Variants in NCKAP5 observed in about 807,000 individuals in gnomAD.
NCKAP5 encodes the protein NCK associated protein 5.
NCKAP5 carries 92 observed loss-of-function variants against 167.0 expected under a neutral mutation model. That is an observed-to-expected ratio of 0.55 (90% CI 0.47 to 0.66). The LOEUF (loss-of-function observed/expected upper bound fraction) is 0.66. Ranked by LOEUF, NCKAP5 falls within the 30% of genes least tolerant of loss-of-function variation. NCKAP5 has a pLI of 0.00. For synonymous variants in NCKAP5, 891 were observed against 877.4 expected (o/e 1.02, Z -0.27); for missense variants, 2,378 against 2,315.0 (o/e 1.03, Z -0.56).
chr2:133,083,171 G>C (rs558251790), intron 6 of NCKAP5, among the ~76,000 whole-genome samples: 21 of 152,244 alleles, frequency 1.4e-4, no homozygotes, highest in Non-Finnish European at 2.5e-4. Context: ...CAGATTCGCT[G>C]TAAGAGAATT....
Position 133,294,360 on chromosome 2 carries a change from T to TG in NCKAP5, c.143+8676dup, listed in dbSNP as rs1487708438. On this transcript the variant is annotated intron_variant, in intron 4 of 19. Transcript: ENST00000409261. The stretch of plus-strand genomic sequence containing the variant: ...CATGCTAATTCTTAAGATGCCTGGA[T>TG]GATAGGATTCTTAGATACAGGATAC... Among the ~76,000 whole-genome samples, 44 of 152,180 alleles carry TG rather than the reference T, an allele frequency of 2.9e-4. 1 individual carries two copies. The highest frequency in any genetic ancestry group is 3.5e-4 in the Non-Finnish European group (24 of 68,014).
intron 11 of NCKAP5, among the ~76,000 whole-genome samples, chr2:132,812,300 A>T (rs1469533145): frequency 6.6e-6 from 1 of 152,164 alleles, no homozygotes; most frequent in Admixed American, 6.5e-5. Flanking sequence ...GATGAAGGTG[A>T]TATGCATTAT....
chr2:133,281,075 C>T (rs1481518327), intron 4 of NCKAP5, among the ~76,000 whole-genome samples: 6 of 152,328 alleles, frequency 3.9e-5, no homozygotes, highest in African/African-American at 1.4e-4. Context: ...TCTGATATAA[C>T]TTGTTCTACA....
At chr2:133,383,339 G>C (rs1436657488) in intron 3 of NCKAP5, among the ~76,000 whole-genome samples, 1 of 152,012 alleles carries the variant, frequency 6.6e-6, no homozygotes, top group Admixed American at 6.6e-5. Context: ...TCTTGCGATC[G>C]TATGCTGAGA....
chr2:133,053,557 A>T (rs954393696), intron 6 of NCKAP5, among the ~76,000 whole-genome samples: 4 of 152,212 alleles, frequency 2.6e-5, no homozygotes, highest in African/African-American at 9.6e-5. Context: ...GACCTTCAAA[A>T]ATTCAAAGGT....
intron 5 of NCKAP5, among the ~76,000 whole-genome samples, chr2:133,149,580 G>A (rs370602835): frequency 6.6e-6 from 1 of 151,862 alleles, no homozygotes; most frequent in East Asian, 1.9e-4. Flanking sequence ...TAACTACAAC[G>A]ATGCCCCAAA....
intron 8 of NCKAP5, among the ~76,000 whole-genome samples, chr2:132,948,132 GTT>G (rs1348218739): frequency 6.6e-6 from 1 of 152,060 alleles, no homozygotes; most frequent in South Asian, 2.1e-4. Flanking sequence ...AATGATGACA[GTT>G]TTTTTTATCT....
At chr2:133,391,411 C>G (rs1687398022) in intron 3 of NCKAP5, 1 of 152,870 alleles carries the variant, frequency 6.5e-6, no homozygotes, top group Non-Finnish European at 1.5e-5. Flanking sequence ...AAGTCTAAGT[C>G]TTGAGTCCAG....
intron 1 of NCKAP5, among the ~76,000 whole-genome samples, chr2:133,564,638 G>A (rs1340542820): frequency 2.0e-5 from 3 of 152,158 alleles, no homozygotes; most frequent in Admixed American, 1.3e-4. Context: ...AAGTAAGAGG[G>A]GAGACAGAGC....
chr2:132,909,565 A>G (rs1316936047), intron 8 of NCKAP5, among the ~76,000 whole-genome samples: 1 of 152,200 alleles, frequency 6.6e-6, no homozygotes, highest in Non-Finnish European at 1.5e-5. Flanking sequence ...GTTCTGAGAT[A>G]ATATCCAGTA....
intron 8 of NCKAP5, among the ~76,000 whole-genome samples, chr2:132,883,552 C>A (rs1041725131): frequency 2.6e-5 from 4 of 152,156 alleles, no homozygotes; most frequent in Admixed American, 1.3e-4. Context: ...TCCTTCTTTC[C>A]CGGCAGGCTG....
chr2:133,535,762 G>T (rs1685713197), intron 2 of NCKAP5, among the ~76,000 whole-genome samples: 1 of 152,094 alleles, frequency 6.6e-6, no homozygotes, highest in Non-Finnish European at 1.5e-5. Flanking sequence ...CACCAACAGT[G>T]TAAAATAGTT....
At chr2:133,092,472 C>G (rs180875047) in intron 6 of NCKAP5, among the ~76,000 whole-genome samples, 1 of 152,184 alleles carries the variant, frequency 6.6e-6, no homozygotes, top group Non-Finnish European at 1.5e-5. Context: ...CCTCCAAAAC[C>G]ATGCATAAAT....
intron 7 of NCKAP5, among the ~76,000 whole-genome samples, chr2:132,984,136 G>A (rs2077218922): frequency 6.6e-6 from 1 of 152,056 alleles, no homozygotes; most frequent in African/African-American, 2.4e-5. Context: ...TCATAGAGTT[G>A]AGCTGTCCAG....
intron 2 of NCKAP5, among the ~76,000 whole-genome samples, chr2:133,522,730 A>T (rs1266940149): frequency 6.6e-6 from 1 of 152,216 alleles, no homozygotes; most frequent in Non-Finnish European, 1.5e-5. Context: ...TTTTTAGCCA[A>T]GCATATTCGG....
upstream of NCKAP5, among the ~76,000 whole-genome samples, chr2:133,570,840 C>T (rs143641157): frequency 2.3e-3 from 344 of 152,258 alleles, 2 homozygotes; most frequent in African/African-American, 7.7e-3. Flanking sequence ...AAAGCTCTAA[C>T]CCACAATGAG....
At chr2:133,469,051 T>G (rs1036135223) in intron 3 of NCKAP5, among the ~76,000 whole-genome samples, 3 of 152,108 alleles carry the variant, frequency 2.0e-5, no homozygotes, top group Admixed American at 1.3e-4. Context: ...GATCCTGTCA[T>G]TATGATGTTA....
intron 18 of NCKAP5, among the ~76,000 whole-genome samples, chr2:132,726,910 G>A (rs563086578): frequency 2.0e-4 from 31 of 152,326 alleles, no homozygotes; most frequent in Non-Finnish European, 3.8e-4. Flanking sequence ...TCTGGGTAAC[G>A]TGTGTCCAGA....
chr2:133,666,926 G>A, the NCKAP5 span, among the ~76,000 whole-genome samples: 2 of 151,976 alleles, frequency 1.3e-5, no homozygotes, highest in African/African-American at 4.8e-5. Flanking sequence ...TGTCAATCTT[G>A]TTGCAGGATC....
Sources: gnomAD v4.1 joint callset for allele counts (sites outside exome capture counted in the v4.1 genomes callset) on GRCh38, gnomAD v4.1.1 for gene constraint, MANE v1.5 for transcripts, NCBI Gene and HGNC (gene_info 2026-07-23, HGNC 2026-07-21) for gene names.